PTPRN2: variants seen among roughly 807,000 people sequenced by gnomAD.
PTPRN2 encodes the protein receptor-type tyrosine-protein phosphatase N2.
Under a neutral mutation model 118.8 loss-of-function variants are expected in PTPRN2, and 74 were observed. The observed-to-expected ratio is 0.62, with a 90% confidence interval of 0.52 to 0.76. The LOEUF is 0.76. Among genes scored for constraint, PTPRN2 ranks in the 30% least tolerant of loss-of-function variants. The pLI is 0.00. For missense variants in PTPRN2, 1,481 were observed against 1,394.4 expected (o/e 1.06, Z -0.99); for synonymous variants, 641 against 608.0 (o/e 1.05, Z -0.80).
chr7:157,687,273 C>G (rs749331162), intron 12 of PTPRN2, among the ~76,000 whole-genome samples: 5 of 152,042 alleles, frequency 3.3e-5, no homozygotes, highest in Non-Finnish European at 4.4e-5. Context: ...CATGTTATGC[C>G]CAAACTCAAT....
At chr7:158,024,584 G>T (rs78092180) in intron 11 of PTPRN2, among the ~76,000 whole-genome samples, 2,612 of 152,306 alleles carry the variant, frequency 0.017, 83 homozygotes, top group African/African-American at 0.059. Flanking sequence ...TTGTAAGCCA[G>T]GAGTGCATCC....
At position 157,540,225 on chromosome 7, in the gene PTPRN2, T is replaced by C. The variant is rs221254; in HGVS notation, c.*489A>G. The C allele has an allele frequency of 0.96, 146,217 of 152,822 alleles. 70,026 individuals are homozygous for C. The highest frequency in any genetic ancestry group is 1 in the Middle Eastern group (293 of 294). 9.5% of individuals were successfully genotyped at this position (152,822 alleles called of 1,614,324 possible). On this transcript the variant is annotated 3_prime_UTR_variant, in exon 23 of 23. Coordinates refer to ENST00000389418, the MANE Select transcript of PTPRN2 (RefSeq NM_002847.5). ...GCTGCAGGACGTTCAGTTCTGTCCC[T>C]GCGGCTTCTCCCAATGATAAACTCT...
At chr7:158,259,495 G>C (rs1259621846) in intron 3 of PTPRN2, among the ~76,000 whole-genome samples, 2 of 152,204 alleles carry the variant, frequency 1.3e-5, no homozygotes, top group South Asian at 2.1e-4. Context: ...CTCCACCAAA[G>C]ACCGTCGGCA....
In PTPRN2 at chr7:157,768,468, C is replaced by T. The variant is rs372113198; in HGVS notation, c.1789-85531G>A. 2.0e-4 allele frequency among the ~76,000 whole-genome samples: 31 copies of T among 152,292 alleles called. No homozygotes were observed. The East Asian group carries it at 3.1e-3, about 15-fold the overall frequency. ...GGGCCGGACGCCCCACGCTGGCCTC[C>T]CGTTCCCATATCCCGGCCATGAGAG... is the stretch of plus-strand genomic sequence containing the variant. On this transcript the variant is annotated intron_variant, in intron 12 of 22. Coordinates refer to ENST00000389418, the MANE Select transcript of PTPRN2 (RefSeq NM_002847.5).
Position 158,464,583 on chromosome 7 carries a change from G to A in PTPRN2, c.163+25152C>T, listed in dbSNP as rs143014174. 4.5e-3 allele frequency among the ~76,000 whole-genome samples: 588 copies of A among 129,458 alleles called. 6 individuals carry two copies. Among genetic ancestry groups the A allele is most frequent in the African/African-American group, 0.016 (540 of 33,260 alleles). The allele number at this position is 129,458 out of a possible 152,430, so 84.9% of individuals were successfully genotyped here. A position where few individuals can be genotyped will look rare whatever the true frequency, so the allele number is the denominator to read the frequency against. On this transcript the variant is annotated intron_variant, in intron 2 of 22. Transcript: ENST00000389418. ...AGTAAGTAATCACTTCATCATCACC[G>A]TCATCATCCATACCGTCACCATCAT...
intron 11 of PTPRN2, among the ~76,000 whole-genome samples, chr7:157,988,168 A>G (rs1803952698): frequency 6.6e-6 from 1 of 152,208 alleles, no homozygotes; most frequent in Non-Finnish European, 1.5e-5. Context: ...CTGTGGCACC[A>G]TGGGAGCACC....
Position 158,130,912 on chromosome 7 carries a change from C to CACACTCAT in PTPRN2, c.1556+2764_1556+2765insATGAGTGT, listed in dbSNP as rs1554549689. Among the ~76,000 whole-genome samples the CACACTCAT allele has an allele frequency of 4.1e-3, 611 of 148,270 alleles. 5 individuals carry two copies. Among genetic ancestry groups the CACACTCAT allele is most frequent in the African/African-American group, 0.015 (575 of 39,494 alleles). On this transcript the variant is annotated intron_variant, in intron 9 of 22. Coordinates refer to ENST00000389418, the MANE Select transcript of PTPRN2 (RefSeq NM_002847.5). ...ACAAACCGATACACATCTACCGACA[C>CACACTCAT]ACACACTCATACACACACATGCATA...
chr7:158,066,531 G>T (rs1487262578), intron 11 of PTPRN2, among the ~76,000 whole-genome samples: 1 of 152,108 alleles, frequency 6.6e-6, no homozygotes, highest in Admixed American at 6.5e-5. Context: ...CTTTTCAGCT[G>T]GTGTCACAAG....
chr7:158,016,894 A>G (rs1806501288), intron 11 of PTPRN2, among the ~76,000 whole-genome samples: 1 of 152,208 alleles, frequency 6.6e-6, no homozygotes, highest in Non-Finnish European at 1.5e-5. Context: ...CTAATCATAC[A>G]CATGATAACC....
At chr7:157,811,332 TTA>T (rs71189737) in intron 12 of PTPRN2, among the ~76,000 whole-genome samples, 66,503 of 130,996 alleles carry the variant, frequency 0.51, 18,260 homozygotes, top group East Asian at 0.76. Context: ...ATCTACTCTA[TTA>T]TATATATATA....
chr7:157,738,315 G>A (rs563103311), intron 12 of PTPRN2, among the ~76,000 whole-genome samples: 26 of 152,306 alleles, frequency 1.7e-4, no homozygotes, highest in African/African-American at 6.3e-4. Flanking sequence ...CCCCAGAGGG[G>A]AGGGAGGTGC....
intron 2 of PTPRN2, among the ~76,000 whole-genome samples, chr7:158,318,290 GA>G (rs1353404546): frequency 6.6e-6 from 1 of 152,254 alleles, no homozygotes; most frequent in Non-Finnish European, 1.5e-5. Flanking sequence ...AAGGGGCAAA[GA>G]GGGAAAATAA....
intron 2 of PTPRN2, among the ~76,000 whole-genome samples, chr7:158,343,874 T>C (rs901928485): frequency 6.6e-6 from 1 of 152,064 alleles, no homozygotes; most frequent in Non-Finnish European, 1.5e-5. Context: ...ACAATCGAGC[T>C]CAGGTAAAGG....
intron 12 of PTPRN2, among the ~76,000 whole-genome samples, chr7:157,708,017 T>C (rs1003641445): frequency 6.6e-6 from 1 of 152,252 alleles, no homozygotes; most frequent in African/African-American, 2.4e-5. Context: ...CACTGCAAAG[T>C]GGAGATGCTA....
Position 158,088,788 on chromosome 7 carries a change from C to T in PTPRN2, c.1644-7411G>A, listed in dbSNP as rs1268771626. On this transcript the variant is annotated intron_variant, in intron 10 of 22. Transcript: ENST00000389418. Reference sequence around the variant, plus strand: ...TTCCCCTGATGAAGGAGGGAGTCTTCACACAAACCTTCTTCCCCTGATGAA... The same window carrying T: ...TTCCCCTGATGAAGGAGGGAGTCTTTACACAAACCTTCTTCCCCTGATGAA... Among the ~76,000 whole-genome samples, 7 of 13,854 alleles carry T rather than the reference C, an allele frequency of 5.1e-4. 1 individual carries two copies. The highest frequency in any genetic ancestry group is 8.9e-4 in the African/African-American group (6 of 6,746). 9.1% of individuals were successfully genotyped at this position (13,854 alleles called of 152,430 possible). A position where few individuals can be genotyped will look rare whatever the true frequency, so the allele number is the denominator to read the frequency against.
intron 11 of PTPRN2, among the ~76,000 whole-genome samples, chr7:157,982,189 G>C (rs13245452): frequency 4.3e-4 from 56 of 131,480 alleles, no homozygotes; most frequent in African/African-American, 4.3e-4. Context: ...CAGAGTGCAG[G>C]GTCCCCCCTA....
chr7:158,291,869 G>A (rs1800143846), intron 3 of PTPRN2, among the ~76,000 whole-genome samples: 1 of 152,178 alleles, frequency 6.6e-6, no homozygotes, highest in African/African-American at 2.4e-5. Context: ...GATGAAAGAG[G>A]GAGAGAAAGA....
At chr7:158,082,121 A>C (rs1812889992) in intron 10 of PTPRN2, among the ~76,000 whole-genome samples, 1 of 152,152 alleles carries the variant, frequency 6.6e-6, no homozygotes, top group African/African-American at 2.4e-5. Context: ...GTCTTCTAAG[A>C]AGTAAATCCC....
intron 14 of PTPRN2, among the ~76,000 whole-genome samples, chr7:157,633,639 C>T (rs762156684): frequency 6.6e-5 from 10 of 152,224 alleles, no homozygotes; most frequent in African/African-American, 1.2e-4. Flanking sequence ...AGCCATGGGC[C>T]GAGTCCCCGA....
Sources: gnomAD v4.1 joint callset for allele counts (sites outside exome capture counted in the v4.1 genomes callset) on GRCh38, gnomAD v4.1.1 for gene constraint, MANE v1.5 for transcripts, NCBI Gene and HGNC (gene_info 2026-07-23, HGNC 2026-07-21) for gene names.